RGS12: variants seen among roughly 807,000 people sequenced by gnomAD.
The protein encoded by RGS12 is regulator of G-protein signaling 12.
A neutral mutation model predicts 120.1 loss-of-function variants in RGS12; 66 were observed. That is an observed-to-expected ratio of 0.55 (90% confidence interval 0.45 to 0.67). The LOEUF is 0.67. RGS12 is among the 30% of genes least tolerant of loss of function. RGS12 has a pLI of 0.00. For missense variants in RGS12, 1,859 were observed against 1,957.7 expected (o/e 0.95, Z 0.95); for synonymous variants, 827 against 804.7 (o/e 1.03, Z -0.47).
At position 3,316,434 on chromosome 4, in the gene RGS12, T is replaced by G; in HGVS notation, c.264T>G (p.Ser88=). Residue 88 remains serine, a synonymous_variant, in exon 2 of 18, where the codon TCT becomes TCG. Coordinates refer to ENST00000336727, the MANE Select transcript of RGS12 (RefSeq NM_001394154.1). ...TAGTGAAATTAATTGGGAAGTGCTC[T>G]GGTGTCCTTCACATGGTGATTGCTG... The part of the protein sequence containing the change: ...EDVVKLIGKC[S]GVLHMVIAEG... 6.2e-7 allele frequency: 1 copy of G among 1,614,166 alleles called. No homozygotes were observed. The highest frequency in any genetic ancestry group is 1.1e-5 in the South Asian group (1 of 91,084).
intron 2 of RGS12, among the ~76,000 whole-genome samples, chr4:3,319,287 C>G (rs571871801): frequency 8.4e-4 from 128 of 152,180 alleles, no homozygotes; most frequent in Middle Eastern, 3.4e-3. Context: ...GAGACTCTGG[C>G]TCTAAAATAA....
In RGS12 at chr4:3,348,762, G is replaced by A. The variant is rs73077142; in HGVS notation, c.1998+5709G>A. ...TCCAGGAGCTGACAAAAAAGTTGAA[G>A]GAAAGAGTCCTTGCCCTAGCCAAGC... On this transcript the variant is annotated intron_variant, in intron 3 of 17. Transcript: ENST00000336727. Among the ~76,000 whole-genome samples the A allele has an allele frequency of 4.6e-3, 704 of 152,304 alleles. 6 individuals are homozygous for A. Among genetic ancestry groups the A allele is most frequent in the African/African-American group, 0.016 (676 of 41,550 alleles).
At chr4:3,376,767 A>C (rs913679997) in intron 3 of RGS12, among the ~76,000 whole-genome samples, 1 of 152,188 alleles carries the variant, frequency 6.6e-6, no homozygotes, top group Non-Finnish European at 1.5e-5. Flanking sequence ...AGAGCACCCC[A>C]GCATGTGGGA....
Position 3,420,325 on chromosome 4 carries a change from G to A in RGS12, c.2762-317G>A, listed in dbSNP as rs968743573. The A allele has an allele frequency of 7.6e-5, 34 of 450,270 alleles. 1 individual carries two copies. Among genetic ancestry groups the A allele is most frequent in the South Asian group, 3.0e-4 (13 of 44,046 alleles). 27.9% of individuals were successfully genotyped at this position (450,270 alleles called of 1,614,324 possible). ...CTGGGTCTGTGCTGTGTAACTGCAC[G>A]TACTGATGTGATTTGTTGGGCACCT... On this transcript the variant is annotated intron_variant, in intron 9 of 17. Transcript: ENST00000336727.
At chr4:3,304,005 C>T (rs912587710) in intron 1 of RGS12, among the ~76,000 whole-genome samples, 5 of 152,308 alleles carry the variant, frequency 3.3e-5, no homozygotes, top group East Asian at 3.9e-4. Flanking sequence ...AGCACTGAGT[C>T]GCTGTGCTGC....
Position 3,422,330 on chromosome 4 carries a change from C to A in RGS12, c.2839-46C>A, listed in dbSNP as rs1479758558. Reference sequence around the variant, plus strand: ...CTGCTCTGGGAGGTGCCCCGCACCCCTGTGACGCTGGTTCCCTCACGGCTG... The same window carrying A: ...CTGCTCTGGGAGGTGCCCCGCACCCATGTGACGCTGGTTCCCTCACGGCTG... On this transcript the variant is annotated intron_variant, in intron 10 of 17. Coordinates refer to ENST00000336727, the MANE Select transcript of RGS12 (RefSeq NM_001394154.1). The A allele has an allele frequency of 3.8e-6, 6 of 1,560,406 alleles. No individual in the cohort carries two copies. The Admixed American group carries it at 1.1e-4, about 28-fold the overall frequency.
At chr4:3,359,966 G>A (rs1474565454) in intron 3 of RGS12, among the ~76,000 whole-genome samples, 2 of 151,970 alleles carry the variant, frequency 1.3e-5, no homozygotes, top group Non-Finnish European at 2.9e-5. Flanking sequence ...TCAACATGTT[G>A]CCCATGTTGT....
intron 3 of RGS12, among the ~76,000 whole-genome samples, chr4:3,369,394 A>G (rs1424575993): frequency 6.6e-5 from 10 of 152,244 alleles, no homozygotes; most frequent in Non-Finnish European, 1.5e-4. Context: ...GAGCTGGCAC[A>G]GTTCCTTCCC....
chr4:3,354,603 G>A (rs1040239806), intron 3 of RGS12, among the ~76,000 whole-genome samples: 8 of 152,202 alleles, frequency 5.3e-5, no homozygotes, highest in African/African-American at 1.9e-4. Flanking sequence ...TAAACCAACA[G>A]CAAAATGTGT....
intron 1 of RGS12, among the ~76,000 whole-genome samples, chr4:3,305,705 GC>G (rs76334211): frequency 0.23 from 34,959 of 151,886 alleles, 4,584 homozygotes; most frequent in South Asian, 0.34. Context: ...GCAGGAAGGA[GC>G]CTCAGGTGGG....
rs201385900 is a variant in RGS12 at position 3,382,053 on chromosome 4, G to A, written c.1999-4363G>A. Among the ~76,000 whole-genome samples, 19 of 152,308 alleles carry A rather than the reference G, an allele frequency of 1.2e-4. No homozygotes were observed. The East Asian group carries it at 1.3e-3, about 11-fold the overall frequency. ...GTCAAAAAATAGTCGTAACGTCACC[G>A]TTCAAGGGCGGTTGACTGCTGTTAG... On this transcript the variant is annotated intron_variant, in intron 3 of 17. Transcript: ENST00000336727.
intron 3 of RGS12, among the ~76,000 whole-genome samples, chr4:3,349,523 A>C (rs1714155704): frequency 6.6e-6 from 1 of 151,270 alleles, no homozygotes; most frequent in Admixed American, 6.6e-5. Flanking sequence ...ATTTTAAATA[A>C]TCTCCAAACT....
At position 3,433,198 on chromosome 4, in the gene RGS12, C is replaced by T. The variant is rs1463016565; in HGVS notation, c.4114+2243C>T. On this transcript the variant is annotated intron_variant, in intron 17 of 17. Transcript: ENST00000336727. This position sits in a 1 kb window ranked among gnomAD's most constrained non-coding sequence, Gnocchi z 4.4. Reference sequence around the variant, plus strand: ...CTTGGGGGTCATCCCGGGTCACGCTCTCCGACGTTGACAGTTGCTGTGGGA... The same window carrying T: ...CTTGGGGGTCATCCCGGGTCACGCTTTCCGACGTTGACAGTTGCTGTGGGA... 6.6e-6 allele frequency among the ~76,000 whole-genome samples: 1 copy of T among 152,204 alleles called. No homozygotes were observed. The highest frequency in any genetic ancestry group is 6.5e-5 in the Admixed American group (1 of 15,290).
chr4:3,362,095 C>A, intron 3 of RGS12, among the ~76,000 whole-genome samples: 1 of 152,136 alleles, frequency 6.6e-6, no homozygotes, highest in Admixed American at 6.5e-5. Flanking sequence ...TGGAGCTGGG[C>A]TGGTGCACTT....
At chr4:3,299,193 T>G (rs1447961714) in intron 1 of RGS12, among the ~76,000 whole-genome samples, 1 of 152,166 alleles carries the variant, frequency 6.6e-6, no homozygotes, top group African/African-American at 2.4e-5. Flanking sequence ...TGCTGGACTC[T>G]GGGGTCTCTC....
intron 4 of RGS12, among the ~76,000 whole-genome samples, chr4:3,403,356 G>A (rs10029047): frequency 0.57 from 86,826 of 152,058 alleles, 25,544 homozygotes; most frequent in African/African-American, 0.73. Context: ...CCTGCCAGGC[G>A]TGGCAGCTCC....
intron 17 of RGS12, chr4:3,432,082 C>T: frequency 2.0e-6 from 2 of 985,434 alleles, no homozygotes; most frequent in Non-Finnish European, 2.4e-6. Context: ...TGGCCTGAGT[C>T]CCCCTCCATC....
intron 3 of RGS12, among the ~76,000 whole-genome samples, chr4:3,345,645 T>G (rs1324845010): frequency 6.6e-6 from 1 of 152,184 alleles, no homozygotes; most frequent in Non-Finnish European, 1.5e-5. Context: ...TTAAGTACGG[T>G]TTTGTCTGTT....
rs1724574068 is a variant in RGS12, at chr4:3,433,904, G to A, written c.4114+2949G>A. On this transcript the variant is annotated intron_variant, in intron 17 of 17. Coordinates refer to ENST00000336727, the MANE Select transcript of RGS12 (RefSeq NM_001394154.1). The surrounding 1 kb of genome is among the most constrained non-coding windows in gnomAD (Gnocchi z 4.4). ...TTTCCCTTTGGCCACTTGCTGCCAG[G>A]CCACCCAGTCTAATGGCCCTGAGCC... is the stretch of plus-strand genomic sequence containing the variant. 6.6e-6 allele frequency among the ~76,000 whole-genome samples: 1 copy of A among 152,134 alleles called. No individual in the cohort carries two copies. The highest frequency in any genetic ancestry group is 2.1e-4 in the South Asian group (1 of 4,828).
Sources: allele counts gnomAD v4.1 joint callset (sites outside exome capture counted in the v4.1 genomes callset), GRCh38; gene constraint gnomAD v4.1.1; non-coding constraint Gnocchi (gnomAD v3.1); transcripts MANE v1.5; gene names NCBI Gene and HGNC (gene_info 2026-07-23, HGNC 2026-07-21).